The following SPTBN1 variants were observed in gnomAD, a reference collection of about 807,000 sequenced individuals.
SPTBN1 encodes spectrin beta chain, non-erythrocytic 1.
Under a neutral mutation model 266.4 loss-of-function variants are expected in SPTBN1, and 32 were observed. The ratio of observed to expected loss-of-function variants is 0.12; its 90% CI spans 0.09 to 0.16. The LOEUF (loss-of-function observed/expected upper bound fraction) is 0.16. Ranked by LOEUF, SPTBN1 falls within the 10% of genes least tolerant of loss-of-function variation. The pLI is 1.00. For missense variants in SPTBN1, 2,296 were observed against 3,067.1 expected (o/e 0.75, Z 5.94); for synonymous variants, 1,336 against 1,162.2 (o/e 1.15, Z -3.04).
chr2:54,626,062 A>G lies in SPTBN1; in HGVS notation c.1472A>G (p.Glu491Gly), dbSNP rs960472054. The G allele has an allele frequency of 6.2e-7, 1 of 1,614,206 alleles. No individual in the cohort carries two copies. Among genetic ancestry groups the G allele is most frequent in the African/African-American group, 1.3e-5 (1 of 75,032 alleles). ...VVAVARELEAENYHDIKRITA... is the reference protein window; with the variant it reads ...VVAVARELEAGNYHDIKRITA... ...GCCGTGGCCAGGGAGCTCGAGGCCG[A>G]GAATTACCACGACATCAAGCGCATC... Residue 491 changes from glutamate to glycine, a missense_variant, in exon 12 of 36, where the codon GAG becomes GGG. Physicochemically the swap from Glu to Gly is moderately conservative, Grantham distance 98 (BLOSUM62 -2). Transcript: ENST00000356805. This position sits in a 1 kb window ranked among gnomAD's most constrained non-coding sequence, Gnocchi z 4.7.
At chr2:54,552,764 C>T (rs907037198) in intron 2 of SPTBN1, among the ~76,000 whole-genome samples, 1 of 152,192 alleles carries the variant, frequency 6.6e-6, no homozygotes, top group Admixed American at 6.5e-5. Context: ...CCCAGGTCTG[C>T]TTTTAACCAC....
At chr2:54,602,363 G>A (rs77071966) in intron 3 of SPTBN1, among the ~76,000 whole-genome samples, 4,034 of 152,232 alleles carry the variant, frequency 0.026, 177 homozygotes, top group African/African-American at 0.089. Context: ...CTGCAGCAGC[G>A]TTGACATGTG....
chr2:54,512,308 C>T (rs2104224755), intron 1 of SPTBN1, among the ~76,000 whole-genome samples: 1 of 152,232 alleles, frequency 6.6e-6, no homozygotes, highest in Admixed American at 6.5e-5. Context: ...CCAATCTTTA[C>T]TCATTTTGTT....
At chr2:54,564,563 G>A (rs1029132643) in intron 2 of SPTBN1, among the ~76,000 whole-genome samples, 9 of 152,206 alleles carry the variant, frequency 5.9e-5, no homozygotes, top group African/African-American at 2.2e-4. Context: ...AGCTGCAGCT[G>A]CTGCCACACC....
chr2:54,537,400 T>TA (rs1346076494), intron 2 of SPTBN1, among the ~76,000 whole-genome samples: 7 of 152,204 alleles, frequency 4.6e-5, no homozygotes, highest in African/African-American at 1.7e-4. Context: ...ACCGGATACT[T>TA]AGAGTGGATA....
intron 2 of SPTBN1, among the ~76,000 whole-genome samples, chr2:54,574,562 A>G (rs1244182698): frequency 6.6e-6 from 1 of 152,226 alleles, no homozygotes; most frequent in Non-Finnish European, 1.5e-5. Flanking sequence ...TTTGGAGGTC[A>G]GGTCTTCTCA....
In SPTBN1 at chr2:54,471,800, A is replaced by ATTTTTTTTTTTTTTTTTT. The variant is rs56043354; in HGVS notation, c.-48+15284_-48+15301dup. The stretch of plus-strand genomic sequence containing the variant: ...AGAGGTGCTTTCCTCTTTTTTATCG[A>ATTTTTTTTTTTTTTTTTT]TTTTTTTTTTTTTTTTTTTGCTGTT... On this transcript the variant is annotated intron_variant, in intron 1 of 35. Transcript: ENST00000356805. Among the ~76,000 whole-genome samples, 9 of 102,714 alleles carry ATTTTTTTTTTTTTTTTTT rather than the reference A, an allele frequency of 8.8e-5. 1 individual carries two copies. Among genetic ancestry groups the ATTTTTTTTTTTTTTTTTT allele is most frequent in the East Asian group, 6.6e-4 (2 of 3,014 alleles). The allele number at this position is 102,714 out of a possible 152,430, so 67.4% of individuals were successfully genotyped here.
At chr2:54,541,356 G>A (rs913927547) in intron 2 of SPTBN1, among the ~76,000 whole-genome samples, 9 of 152,250 alleles carry the variant, frequency 5.9e-5, no homozygotes, top group African/African-American at 2.2e-4. Flanking sequence ...AGGAAGGCCA[G>A]TGTTAGTATG....
At chr2:54,570,536 A>G (rs1673986131) in intron 2 of SPTBN1, among the ~76,000 whole-genome samples, 2 of 152,154 alleles carry the variant, frequency 1.3e-5, no homozygotes, top group African/African-American at 4.8e-5. Flanking sequence ...TATTTGGCTG[A>G]ATCCCCCTCC....
At chr2:54,650,923 A>G (rs189875824) in intron 26 of SPTBN1, among the ~76,000 whole-genome samples, 5 of 152,308 alleles carry the variant, frequency 3.3e-5, no homozygotes, top group East Asian at 1.9e-4. Flanking sequence ...GATTTGTTCT[A>G]TGAAGGGACC....
intron 27 of SPTBN1, among the ~76,000 whole-genome samples, chr2:54,654,191 A>G (rs1198452916): frequency 6.6e-6 from 1 of 152,172 alleles, no homozygotes; most frequent in Non-Finnish European, 1.5e-5. Flanking sequence ...CTTGGACATG[A>G]CTAACTGCCC....
intron 16 of SPTBN1, among the ~76,000 whole-genome samples, chr2:54,632,110 A>T (rs60822564): frequency 0.024 from 3,419 of 140,014 alleles, 139 homozygotes; most frequent in African/African-American, 0.082. Context: ...TACGGTGAGG[A>T]TTTTTTTTTT....
At chr2:54,644,662 A>G (rs1679804144) in intron 20 of SPTBN1, 76 bp downstream of exon 20, 2 of 1,514,156 alleles carry the variant, frequency 1.3e-6, no homozygotes, top group Non-Finnish European at 1.8e-6. Flanking sequence ...TTTCTCACCC[A>G]CTGCATTATC....
intron 2 of SPTBN1, chr2:54,528,480 A>G (rs1670970497): frequency 6.6e-6 from 1 of 152,586 alleles, no homozygotes; most frequent in Non-Finnish European, 1.5e-5. Context: ...CACTCAATAT[A>G]GTACTTATAC....
At chr2:54,583,624 C>A (rs564265893) in intron 2 of SPTBN1, among the ~76,000 whole-genome samples, 1 of 152,122 alleles carries the variant, frequency 6.6e-6, no homozygotes, top group Non-Finnish European at 1.5e-5. Context: ...CCATCTATTA[C>A]AAGGAAGTAT....
At chr2:54,527,269 G>C (rs897093628) in intron 2 of SPTBN1, 4 of 152,156 alleles carry the variant, frequency 2.6e-5, no homozygotes, top group Admixed American at 1.3e-4. Context: ...TTTTTTCAAG[G>C]TCCTGCATCT....
In SPTBN1 at chr2:54,554,306, GCTGGGGCC is replaced by G. The variant is rs1223392115; in HGVS notation, c.148+27746_148+27753del. ...CATGTGTTGGTTGTGCCACTCACCA[GCTGGGGCC>G]CTGGGCAAGGCACTGTATTTCTGTG... is the stretch of plus-strand genomic sequence containing the variant. On this transcript the variant is annotated intron_variant, in intron 2 of 35. Transcript: ENST00000356805. This position sits in a 1 kb window ranked among gnomAD's most constrained non-coding sequence, Gnocchi z 4.5. Among the ~76,000 whole-genome samples, 1 of 152,236 alleles carries G rather than the reference GCTGGGGCC, an allele frequency of 6.6e-6. No individual in the cohort carries two copies. The highest frequency in any genetic ancestry group is 2.4e-5 in the African/African-American group (1 of 41,468).
Position 54,642,965 on chromosome 2 carries a change from C to T in SPTBN1, c.3859-18C>T, listed in dbSNP as rs751395443. 1 of 1,608,744 alleles carries T rather than the reference C, an allele frequency of 6.2e-7. No homozygotes were observed. The stretch of plus-strand genomic sequence containing the variant: ...TGTCTAGGATCACAATCTCTGAATC[C>T]TTCTGATCTTTCTGTAGCTGTCTCT... On this transcript the variant is annotated intron_variant, in intron 18 of 35. Coordinates refer to ENST00000356805, the MANE Select transcript of SPTBN1 (RefSeq NM_003128.3).
chr2:54,660,418 C>G, intron 32 of SPTBN1: 11 of 1,087,606 alleles, frequency 1.0e-5, no homozygotes, highest in Non-Finnish European at 1.0e-5. Context: ...ATGACACATT[C>G]AGTTATTCTA....
Sources: allele counts gnomAD v4.1 joint callset (sites outside exome capture counted in the v4.1 genomes callset), GRCh38; gene constraint gnomAD v4.1.1; non-coding constraint Gnocchi (gnomAD v3.1); transcripts MANE v1.5; gene names NCBI Gene and HGNC (gene_info 2026-07-23, HGNC 2026-07-21).